GAS2: variants seen among roughly 807,000 people sequenced by gnomAD.
The protein encoded by GAS2 is growth arrest-specific protein 2.
Under a neutral mutation model 37.5 loss-of-function variants are expected in GAS2, and 20 were observed. The ratio of observed to expected loss-of-function variants is 0.53; its 90% CI spans 0.37 to 0.77. The LOEUF is 0.77. Among genes scored for constraint, GAS2 ranks in the 30% least tolerant of loss-of-function variants. The pLI is 0.00. For missense variants in GAS2, 336 were observed against 373.4 expected (o/e 0.90, Z 0.82); for synonymous variants, 144 against 132.2 (o/e 1.09, Z -0.61).
chr11:22,733,198 G>C lies in GAS2; in HGVS notation c.410-4507G>C, dbSNP rs140896643. 4.6e-3 allele frequency among the ~76,000 whole-genome samples: 692 copies of C among 151,522 alleles called. 8 individuals are homozygous for C. Among genetic ancestry groups the C allele is most frequent in the African/African-American group, 0.016 (659 of 41,434 alleles). On this transcript the variant is annotated intron_variant, in intron 4 of 7. Coordinates refer to ENST00000454584, the MANE Select transcript of GAS2 (RefSeq NM_001143830.3). ...AAGACATGGCACTTGTTTTAGAGTT[G>C]AAGAAATTAGCCTTAAGTAGAATCC...
intron 5 of GAS2, among the ~76,000 whole-genome samples, chr11:22,747,410 G>A (rs887204508): frequency 1.3e-5 from 2 of 152,080 alleles, no homozygotes; most frequent in Non-Finnish European, 2.9e-5. Flanking sequence ...CAGTCTTTTA[G>A]CAAGTGATAT....
At chr11:22,680,733 T>C (rs1407401499) in intron 2 of GAS2, among the ~76,000 whole-genome samples, 1 of 152,172 alleles carries the variant, frequency 6.6e-6, no homozygotes, top group Non-Finnish European at 1.5e-5. Flanking sequence ...AAGAGGTTTC[T>C]GTAGTGTTTC....
chr11:22,692,148 A>G (rs1317906190), intron 3 of GAS2, among the ~76,000 whole-genome samples: 2 of 152,114 alleles, frequency 1.3e-5, no homozygotes, highest in Non-Finnish European at 2.9e-5. Context: ...TATGGGCTAC[A>G]TTTGCAGATG....
intron 1 of GAS2, among the ~76,000 whole-genome samples, chr11:22,631,127 G>A (rs535838997): frequency 6.6e-6 from 1 of 152,206 alleles, no homozygotes; most frequent in Admixed American, 6.5e-5. Context: ...TTGAGTTCTT[G>A]ATTTTATTCT....
intron 2 of GAS2, among the ~76,000 whole-genome samples, chr11:22,680,762 G>A (rs1002724159): frequency 1.3e-5 from 2 of 152,112 alleles, no homozygotes; most frequent in East Asian, 1.9e-4. Flanking sequence ...AAAAGACAGC[G>A]GCATGAGGGA....
At chr11:22,754,862 A>C (rs1853940174) in intron 6 of GAS2, among the ~76,000 whole-genome samples, 1 of 152,176 alleles carries the variant, frequency 6.6e-6, no homozygotes, top group African/African-American at 2.4e-5. Flanking sequence ...CGGGTGAGGA[A>C]AATCCAGGCC....
At chr11:22,656,155 A>C (rs902903403) in intron 1 of GAS2, among the ~76,000 whole-genome samples, 15 of 152,244 alleles carry the variant, frequency 9.9e-5, no homozygotes, top group Admixed American at 2.0e-4. Flanking sequence ...CAAATCTTAA[A>C]ACCACAGCAT....
intron 7 of GAS2, among the ~76,000 whole-genome samples, chr11:22,801,662 T>C (rs1008855521): frequency 3.3e-5 from 5 of 152,092 alleles, no homozygotes; most frequent in African/African-American, 1.2e-4. Flanking sequence ...AATTCTAAGG[T>C]CATATGCTAG....
intron 7 of GAS2, among the ~76,000 whole-genome samples, chr11:22,759,571 C>A (rs1217542841): frequency 1.3e-5 from 2 of 152,140 alleles, no homozygotes; most frequent in Admixed American, 1.3e-4. Flanking sequence ...CTATCAAATG[C>A]AGCTAATTTT....
intron 7 of GAS2, among the ~76,000 whole-genome samples, chr11:22,803,684 G>A (rs1271145941): frequency 6.6e-6 from 1 of 152,066 alleles, no homozygotes; most frequent in Non-Finnish European, 1.5e-5. Context: ...TACAACCTGT[G>A]GAAGTATCAA....
intron 7 of GAS2, among the ~76,000 whole-genome samples, chr11:22,799,024 T>G (rs1261954965): frequency 6.6e-6 from 1 of 152,090 alleles, no homozygotes; most frequent in Non-Finnish European, 1.5e-5. Context: ...TTCTCTCGAG[T>G]TATGATGGCT....
intron 7 of GAS2, among the ~76,000 whole-genome samples, chr11:22,793,343 G>T (rs553905301): frequency 6.6e-6 from 1 of 152,072 alleles, no homozygotes; most frequent in South Asian, 2.1e-4. Context: ...TGAGTTTTAT[G>T]TATAGATAAT....
chr11:22,679,774 A>G (rs1169273802), intron 2 of GAS2, among the ~76,000 whole-genome samples: 1 of 152,140 alleles, frequency 6.6e-6, no homozygotes, highest in Non-Finnish European at 1.5e-5. Context: ...TAAAGCTTAT[A>G]GATCTTTAGG....
At position 22,811,908 on chromosome 11, in the gene GAS2, T is replaced by C. The variant is rs763746735; in HGVS notation, c.834T>C (p.Asp278=). The C allele has an allele frequency of 5.6e-6, 9 of 1,614,040 alleles. No homozygotes were observed. Among genetic ancestry groups the C allele is most frequent in the African/African-American group, 1.3e-5 (1 of 74,914 alleles). The change falls in exon 8 of 8, where the codon GAT becomes GAC. Residue 278 remains aspartate, a synonymous_variant. Coordinates refer to ENST00000454584, the MANE Select transcript of GAS2 (RefSeq NM_001143830.3). ...PCRMLQISRV[D]GKTSPIQSKS... ...GAATGCTGCAGATCTCCCGTGTGGA[T>C]GGCAAAACATCCCCTATCCAAAGCA...
At chr11:22,635,463 C>G (rs920133224) in intron 1 of GAS2, among the ~76,000 whole-genome samples, 1 of 152,248 alleles carries the variant, frequency 6.6e-6, no homozygotes, top group Admixed American at 6.5e-5. Context: ...CAGTGTTCCA[C>G]TTGCAGCAGC....
At chr11:22,635,569 C>G (rs1375014155) in intron 1 of GAS2, among the ~76,000 whole-genome samples, 2 of 152,230 alleles carry the variant, frequency 1.3e-5, no homozygotes, top group Non-Finnish European at 2.9e-5. Flanking sequence ...TCAAGCCACA[C>G]CCCTCCCTGT....
At chr11:22,804,939 T>A (rs1856819384) in intron 7 of GAS2, among the ~76,000 whole-genome samples, 1 of 152,140 alleles carries the variant, frequency 6.6e-6, no homozygotes, top group Non-Finnish European at 1.5e-5. Context: ...ATAATCTTCC[T>A]TCTAAACCAG....
chr11:22,783,979 C>G (rs1213897056), intron 7 of GAS2, among the ~76,000 whole-genome samples: 2 of 152,124 alleles, frequency 1.3e-5, no homozygotes, highest in Non-Finnish European at 2.9e-5. Context: ...TTTCTGTGTT[C>G]TCTGTTCTGT....
At chr11:22,737,577 A>G (rs1852820703) in intron 4 of GAS2, 128 bp from the exon 5 acceptor site, 10 of 831,098 alleles carry the variant, frequency 1.2e-5, no homozygotes, top group Admixed American at 7.0e-5. Context: ...GATGGGTTCT[A>G]TGACTGTCAG....
Sources: allele counts gnomAD v4.1 joint callset (sites outside exome capture counted in the v4.1 genomes callset), GRCh38; gene constraint gnomAD v4.1.1; transcripts MANE v1.5; gene names NCBI Gene and HGNC (gene_info 2026-07-23, HGNC 2026-07-21).